ARHGEF28: variants seen among roughly 807,000 people sequenced by gnomAD.
ARHGEF28 encodes Rho guanine nucleotide exchange factor 28.
A neutral mutation model predicts 206.6 loss-of-function variants in ARHGEF28; 152 were observed. The ratio of observed to expected loss-of-function variants is 0.74; its 90% CI spans 0.64 to 0.84. ARHGEF28 has a LOEUF of 0.84. Among genes scored for constraint, ARHGEF28 ranks in the 40% least tolerant of loss-of-function variants. ARHGEF28 has a pLI of 0.00. For synonymous variants in ARHGEF28, 763 were observed against 776.4 expected (o/e 0.98, Z 0.29); for missense variants, 2,028 against 2,073.2 (o/e 0.98, Z 0.42).
chr5:73,939,246 T>TAG lies in ARHGEF28; in HGVS notation c.4949-1590_4949-1589dup, dbSNP rs138742212. Among the ~76,000 whole-genome samples, 76 of 152,190 alleles carry TAG rather than the reference T, an allele frequency of 5.0e-4. No individual in the cohort carries two copies. The East Asian group carries it at 0.013, about 27-fold the overall frequency. On this transcript the variant is annotated intron_variant, in intron 35 of 35. Transcript: ENST00000513042. ...TTGTGGGTTTTAGCATTTTGAGACT[T>TAG]AGAGAGAGATGACGAATGTAAAAGA...
chr5:73,660,787 G>C (rs1745548051), intron 1 of ARHGEF28, among the ~76,000 whole-genome samples: 1 of 152,322 alleles, frequency 6.6e-6, no homozygotes, highest in East Asian at 1.9e-4. Context: ...TTTCTGAGCA[G>C]TAGGTCTCAA....
intron 23 of ARHGEF28, 23 bp from the exon 24 acceptor site, chr5:73,883,744 C>T (rs942765268): frequency 6.8e-7 from 1 of 1,460,960 alleles, no homozygotes; most frequent in South Asian, 1.3e-5. Context: ...AATTTGTGTA[C>T]ATAAAAGTAT....
intron 4 of ARHGEF28, among the ~76,000 whole-genome samples, chr5:73,768,344 TA>T (rs767219637): frequency 1.3e-5 from 2 of 152,110 alleles, no homozygotes; most frequent in Non-Finnish European, 2.9e-5. Flanking sequence ...AGACACTCAA[TA>T]TCAGCCCATG....
chr5:73,741,377 GTGTGTGTGTATATATATA>G (rs1751390778), intron 2 of ARHGEF28, among the ~76,000 whole-genome samples: 5 of 73,054 alleles, frequency 6.8e-5, no homozygotes, highest in African/African-American at 8.1e-5. Flanking sequence ...GTGTGTGTGT[GTGTGTGTGTATATATATA>G]TATATATATA....
At chr5:73,891,722 A>G (rs894290401) in intron 26 of ARHGEF28, among the ~76,000 whole-genome samples, 2 of 152,070 alleles carry the variant, frequency 1.3e-5, no homozygotes, top group African/African-American at 4.8e-5. Flanking sequence ...ATGGGGTTTC[A>G]CCACATTGGC....
In ARHGEF28 at chr5:73,892,236, A is replaced by G; in HGVS notation, c.3566+6A>G. ...ATCCAGCAGGCTGTAGAAAGGTAAC[A>G]TTTCCTTCCGTCCATAATCTATGGA... On this transcript the variant is annotated splice_donor_region_variant and intron_variant, in intron 27 of 35. Transcript: ENST00000513042. The G allele has an allele frequency of 6.4e-7, 1 of 1,555,926 alleles. No individual in the cohort carries two copies. Among genetic ancestry groups the G allele is most frequent in the Non-Finnish European group, 8.7e-7 (1 of 1,148,916 alleles).
At chr5:73,666,039 A>T (rs780562099) in intron 1 of ARHGEF28, among the ~76,000 whole-genome samples, 5 of 152,190 alleles carry the variant, frequency 3.3e-5, no homozygotes, top group Non-Finnish European at 7.3e-5. Context: ...AGTTCCTTCC[A>T]GTTGTGAGCA....
At chr5:73,777,236 C>T (rs1753591286) in intron 6 of ARHGEF28, among the ~76,000 whole-genome samples, 1 of 151,306 alleles carries the variant, frequency 6.6e-6, no homozygotes, top group African/African-American at 2.4e-5. Context: ...TAAAACATTT[C>T]AACTTTATCT....
chr5:73,911,308 C>G lies in ARHGEF28; in HGVS notation c.4681C>G (p.His1561Asp). Residue 1561 changes from histidine to aspartate, a missense_variant, in exon 35 of 36, where the codon CAT becomes GAT. His to Asp is a moderately conservative substitution (Grantham distance 81). This residue lies in a region of ARHGEF28 where 803 missense variants were observed against 768.0 expected (regional missense o/e 1.05). Transcript: ENST00000513042. Reference protein sequence around the residue: ...MELNRSESLCHENSFFINEAL... With the variant: ...MELNRSESLCDENSFFINEAL... Reference sequence around the variant, plus strand: ...ACTTAATCGATCTGAGAGTTTATGTCATGAAAACTCATTCTTCATCAATGA... The same window carrying G: ...ACTTAATCGATCTGAGAGTTTATGTGATGAAAACTCATTCTTCATCAATGA... 6.2e-7 allele frequency: 1 copy of G among 1,604,696 alleles called. No individual in the cohort carries two copies. Among genetic ancestry groups the G allele is most frequent in the Non-Finnish European group, 8.5e-7 (1 of 1,174,758 alleles).
At chr5:73,867,461 G>A (rs1403054874) in intron 18 of ARHGEF28, among the ~76,000 whole-genome samples, 8 of 152,126 alleles carry the variant, frequency 5.3e-5, no homozygotes, top group African/African-American at 2.4e-5. Context: ...TTCCATTGAC[G>A]TGTTCTCTGT....
intron 2 of ARHGEF28, among the ~76,000 whole-genome samples, chr5:73,694,166 A>G (rs1748031299): frequency 1.3e-5 from 2 of 152,324 alleles, no homozygotes; most frequent in Non-Finnish European, 1.5e-5. Flanking sequence ...TCTTCTCTCA[A>G]TACAATGCCA....
chr5:73,786,171 A>G (rs1364525675), intron 7 of ARHGEF28: 1 of 152,080 alleles, frequency 6.6e-6, no homozygotes, highest in Non-Finnish European at 1.5e-5. Context: ...GCATTGTTCT[A>G]GGCACTGGTC....
intron 13 of ARHGEF28, among the ~76,000 whole-genome samples, chr5:73,850,065 C>T (rs368647955): frequency 6.7e-6 from 1 of 149,636 alleles, no homozygotes; most frequent in Admixed American, 6.7e-5. Context: ...TCTCTTTTTT[C>T]TTATTCTTGC....
chr5:73,837,834 C>A (rs574741570), intron 10 of ARHGEF28, among the ~76,000 whole-genome samples: 2 of 151,978 alleles, frequency 1.3e-5, no homozygotes, highest in South Asian at 4.2e-4. Context: ...CTCCACCCCC[C>A]AGGCTCAAGC....
At chr5:73,652,357 C>T (rs1431978394) in intron 1 of ARHGEF28, among the ~76,000 whole-genome samples, 1 of 152,022 alleles carries the variant, frequency 6.6e-6, no homozygotes, top group African/African-American at 2.4e-5. Flanking sequence ...TGAAGTGAGG[C>T]AGGTTTTAGG....
intron 2 of ARHGEF28, among the ~76,000 whole-genome samples, chr5:73,730,554 T>G (rs963791251): frequency 1.5e-4 from 19 of 129,590 alleles, no homozygotes; most frequent in Admixed American, 1.1e-3. Flanking sequence ...TTTTTTTTTT[T>G]GTCAGGGTTT....
At chr5:73,655,527 T>C (rs1179990768) in intron 1 of ARHGEF28, among the ~76,000 whole-genome samples, 1 of 152,240 alleles carries the variant, frequency 6.6e-6, no homozygotes, top group Non-Finnish European at 1.5e-5. Context: ...AAAATTGCTC[T>C]GTCCTTAACA....
intron 33 of ARHGEF28, among the ~76,000 whole-genome samples, chr5:73,905,717 T>C (rs1489980929): frequency 4.6e-5 from 7 of 152,216 alleles, no homozygotes; most frequent in Non-Finnish European, 8.8e-5. Flanking sequence ...GTTTACACTT[T>C]TGTATTATTA....
chr5:73,694,365 T>A lies in ARHGEF28; in HGVS notation c.33+9481T>A, dbSNP rs1293059559. The stretch of plus-strand genomic sequence containing the variant: ...AGTGCCAAGTGTGCTTAAAGTCTGA[T>A]GCTGCCTCACTTCCTGTATTTCAGT... On this transcript the variant is annotated intron_variant, in intron 2 of 35. Transcript: ENST00000513042. 2.6e-5 allele frequency among the ~76,000 whole-genome samples: 4 copies of A among 152,254 alleles called. No individual in the cohort carries two copies. In the East Asian group the frequency reaches 7.7e-4, roughly 29 times the overall value.
Sources: allele counts gnomAD v4.1 joint callset (sites outside exome capture counted in the v4.1 genomes callset), GRCh38; gene constraint gnomAD v4.1.1; regional missense constraint gnomAD v4.1.1; transcripts MANE v1.5; gene names NCBI Gene and HGNC (gene_info 2026-07-23, HGNC 2026-07-21).